The following CSMD1 variants were observed in gnomAD, a reference collection of about 807,000 sequenced individuals.
The protein encoded by CSMD1 is CUB and sushi domain-containing protein 1.
A neutral mutation model predicts 417.5 loss-of-function variants in CSMD1; 213 were observed. That is an observed-to-expected ratio of 0.51 (90% CI 0.46 to 0.57). CSMD1 has a LOEUF of 0.57. Ranked by LOEUF, CSMD1 falls within the 20% of genes least tolerant of loss-of-function variation. The probability of loss-of-function intolerance (pLI) is 0.00; values close to 1 mark genes in which losing one functional copy is unlikely to be tolerated. For missense variants in CSMD1, 6,923 were observed against 4,529.7 expected (o/e 1.53, Z -15.17); for synonymous variants, 2,862 against 1,736.8 (o/e 1.65, Z -16.11).
At chr8:4,676,162 A>G (rs1286976193) in intron 1 of CSMD1, among the ~76,000 whole-genome samples, 2 of 152,196 alleles carry the variant, frequency 1.3e-5, no homozygotes, top group East Asian at 1.9e-4. Flanking sequence ...CATGTTTTCT[A>G]TATTATCAAG....
At chr8:4,394,306 C>T (rs779901496) in intron 3 of CSMD1, among the ~76,000 whole-genome samples, 9 of 152,050 alleles carry the variant, frequency 5.9e-5, no homozygotes, top group Non-Finnish European at 1.0e-4. Flanking sequence ...GTTTACCCTC[C>T]TATGTTTCAA....
rs1801974352 is a variant in CSMD1 at position 4,859,033 on chromosome 8, A to C, written c.85+135299T>G. 2.0e-5 allele frequency among the ~76,000 whole-genome samples: 3 copies of C among 151,818 alleles called. No homozygotes were observed. The South Asian group carries it at 6.3e-4, about 32-fold the overall frequency. On this transcript the variant is annotated intron_variant, in intron 1 of 69. Transcript: ENST00000635120. ...TCAAACTATACTACAAGGCTACAGT[A>C]ACCAAAACAGCATGGTACTGGTACC...
chr8:2,955,064 A>C (rs1437356370), intron 64 of CSMD1, among the ~76,000 whole-genome samples: 1 of 152,224 alleles, frequency 6.6e-6, no homozygotes, highest in East Asian at 1.9e-4. Context: ...CAAATTTGTA[A>C]TTAATGGATC....
intron 5 of CSMD1, among the ~76,000 whole-genome samples, chr8:3,772,038 T>G (rs1256048203): frequency 6.6e-6 from 1 of 151,744 alleles, no homozygotes; most frequent in African/African-American, 2.4e-5. Flanking sequence ...AAGAGGAGCT[T>G]CTAGTGCGAG....
chr8:3,144,939 G>A (rs1234805399), intron 40 of CSMD1, among the ~76,000 whole-genome samples: 1 of 152,030 alleles, frequency 6.6e-6, no homozygotes, highest in Admixed American at 6.6e-5. Context: ...ATCCAGATCT[G>A]CTTGTCCACT....
At chr8:3,234,318 A>C (rs1472805993) in intron 26 of CSMD1, among the ~76,000 whole-genome samples, 1 of 152,126 alleles carries the variant, frequency 6.6e-6, no homozygotes, top group Non-Finnish European at 1.5e-5. Context: ...CAGCATATAA[A>C]TTTTCAGAGT....
chr8:4,421,799 G>A (rs191871759), intron 2 of CSMD1, among the ~76,000 whole-genome samples: 2 of 151,334 alleles, frequency 1.3e-5, no homozygotes, highest in African/African-American at 2.4e-5. Flanking sequence ...AAAAACTAAA[G>A]CAAACAGAAA....
intron 1 of CSMD1, among the ~76,000 whole-genome samples, chr8:4,658,131 G>A (rs1401109049): frequency 6.6e-6 from 1 of 151,880 alleles, no homozygotes. Context: ...AACAATATAT[G>A]CATAATAAAA....
chr8:3,884,239 C>T (rs1312551339), intron 5 of CSMD1, among the ~76,000 whole-genome samples: 1 of 152,182 alleles, frequency 6.6e-6, no homozygotes, highest in Non-Finnish European at 1.5e-5. Flanking sequence ...CTTTGATACG[C>T]CTCTAATGGC....
chr8:4,363,894 G>A (rs902295365), intron 3 of CSMD1, among the ~76,000 whole-genome samples: 6 of 152,160 alleles, frequency 3.9e-5, no homozygotes, highest in African/African-American at 1.4e-4. Flanking sequence ...ACGGTTACCA[G>A]AGTCTAGAAA....
rs77741646 is a variant in CSMD1, at chr8:4,552,611, G to T, written c.302+84731C>A. ...AAATGGACTTCTGGAATCACAGTGA[G>T]TTTCAATTGGGGAAAAAAAAAATGA... On this transcript the variant is annotated intron_variant, in intron 2 of 69. Coordinates refer to ENST00000635120, the MANE Select transcript of CSMD1 (RefSeq NM_033225.6). 8.7e-3 allele frequency among the ~76,000 whole-genome samples: 1,321 copies of T among 151,922 alleles called. 19 individuals are homozygous for T. Among genetic ancestry groups the T allele is most frequent in the African/African-American group, 0.03 (1,264 of 41,476 alleles).
At chr8:4,905,360 T>C (rs1805173916) in intron 1 of CSMD1, among the ~76,000 whole-genome samples, 1 of 152,014 alleles carries the variant, frequency 6.6e-6, no homozygotes, top group South Asian at 2.1e-4. Context: ...CATTAGACTC[T>C]TAGATAGATT....
rs531065285 is a variant in CSMD1 at position 3,866,552 on chromosome 8, C to A, written c.819-112510G>T. Among the ~76,000 whole-genome samples, 9 of 152,206 alleles carry A rather than the reference C, an allele frequency of 5.9e-5. No homozygotes were observed. In the South Asian group the frequency reaches 1.9e-3, roughly 32 times the overall value. ...GTGTACGTTTTGGTCTTTAAATGAC[C>A]TTTTTAGTTCTGGTGATGACACTAG... On this transcript the variant is annotated intron_variant, in intron 5 of 69. Transcript: ENST00000635120.
intron 2 of CSMD1, among the ~76,000 whole-genome samples, chr8:4,615,987 A>C (rs1036188234): frequency 6.6e-6 from 1 of 152,180 alleles, no homozygotes; most frequent in African/African-American, 2.4e-5. Flanking sequence ...GTAAAAAACC[A>C]CATCACCTTT....
intron 3 of CSMD1, among the ~76,000 whole-genome samples, chr8:4,261,166 T>C (rs1803852795): frequency 6.6e-6 from 1 of 152,226 alleles, no homozygotes; most frequent in East Asian, 1.9e-4. Context: ...GAAAGTTGTC[T>C]ATTCTGCTAA....
intron 3 of CSMD1, among the ~76,000 whole-genome samples, chr8:4,127,695 G>C (rs35676711): frequency 0.11 from 16,944 of 152,124 alleles, 1,561 homozygotes; most frequent in East Asian, 0.26. Flanking sequence ...ATAATAGGCA[G>C]TCATGATGAA....
chr8:3,423,768 G>C (rs1261915600), intron 12 of CSMD1, among the ~76,000 whole-genome samples: 2 of 152,274 alleles, frequency 1.3e-5, no homozygotes, highest in South Asian at 4.1e-4. Flanking sequence ...GGAATTGTTG[G>C]ATCACAGAAT....
At chr8:4,973,954 G>A (rs1198708206) in intron 1 of CSMD1, among the ~76,000 whole-genome samples, 1 of 152,160 alleles carries the variant, frequency 6.6e-6, no homozygotes, top group African/African-American at 2.4e-5. Context: ...TTTTTACAAA[G>A]CTAAGTCACT....
chr8:3,565,000 G>C (rs1225243624), intron 10 of CSMD1, among the ~76,000 whole-genome samples: 1 of 130,622 alleles, frequency 7.7e-6, no homozygotes, highest in Non-Finnish European at 1.6e-5. Context: ...TAATACCTAG[G>C]TGATGGGAAG....
Sources: gnomAD v4.1 joint callset for allele counts (sites outside exome capture counted in the v4.1 genomes callset) on GRCh38, gnomAD v4.1.1 for gene constraint, MANE v1.5 for transcripts, NCBI Gene and HGNC (gene_info 2026-07-23, HGNC 2026-07-21) for gene names.